CERT1: variants seen among roughly 807,000 people sequenced by gnomAD.
CERT1 encodes ceramide transporter 1.
CERT1 carries 31 observed loss-of-function variants against 87.9 expected under a neutral mutation model. The ratio of observed to expected loss-of-function variants is 0.35; its 90% CI spans 0.27 to 0.48. The LOEUF (loss-of-function observed/expected upper bound fraction) is 0.48, where lower values mean the gene tolerates loss of function less well. CERT1 is among the 20% of genes least tolerant of loss of function. The pLI, the probability that CERT1 is intolerant of heterozygous loss-of-function variation, is 0.99. For missense variants in CERT1, 487 were observed against 758.0 expected (o/e 0.64, Z 4.20); for synonymous variants, 289 against 250.9 (o/e 1.15, Z -1.44).
chr5:75,381,229 T>C lies in CERT1; in HGVS notation c.1618-28A>G, dbSNP rs780377096. The C allele has an allele frequency of 2.3e-5, 37 of 1,612,994 alleles. No individual in the cohort carries two copies. The East Asian group carries it at 6.0e-4, about 26-fold the overall frequency. ...GCCAAAACAAAAAACAAAGCATCAG[T>C]AGATACCCAGTATTTTGTAAACTCT... is the stretch of plus-strand genomic sequence containing the variant. On this transcript the variant is annotated intron_variant, in intron 15 of 16. Coordinates refer to ENST00000643780, the MANE Select transcript of CERT1 (RefSeq NM_001379029.1).
chr5:75,427,140 T>A (rs1419830700), intron 3 of CERT1, among the ~76,000 whole-genome samples: 1 of 152,194 alleles, frequency 6.6e-6, no homozygotes, highest in Non-Finnish European at 1.5e-5. Flanking sequence ...AGATAACTGA[T>A]GGGGATGATA....
intron 14 of CERT1, 30 bp from the exon 15 acceptor site, chr5:75,382,107 C>T: frequency 6.2e-7 from 1 of 1,601,862 alleles, no homozygotes; most frequent in Non-Finnish European, 8.5e-7. Flanking sequence ...TTTTGAAAAA[C>T]AGATCTAACA....
At chr5:75,510,810 G>A (rs1407839170) in intron 1 of CERT1, among the ~76,000 whole-genome samples, 1 of 152,094 alleles carries the variant, frequency 6.6e-6, no homozygotes, top group African/African-American at 2.4e-5. Flanking sequence ...AGCCCAACCC[G>A]GATTCCTTAC....
intron 8 of CERT1, among the ~76,000 whole-genome samples, chr5:75,406,346 C>A (rs1368492650): frequency 6.6e-6 from 1 of 152,236 alleles, no homozygotes; most frequent in Non-Finnish European, 1.5e-5. Context: ...CTAAGAGGTT[C>A]TTTCCCTCCG....
chr5:75,479,115 CTG>C (rs1173979032), intron 2 of CERT1, among the ~76,000 whole-genome samples: 1 of 151,396 alleles, frequency 6.6e-6, no homozygotes, highest in Non-Finnish European at 1.5e-5. Flanking sequence ...AAAAAAAAGA[CTG>C]TGTTTTGTTG....
At chr5:75,388,052 T>C (rs1361194746) in intron 12 of CERT1, among the ~76,000 whole-genome samples, 1 of 152,162 alleles carries the variant, frequency 6.6e-6, no homozygotes, top group Non-Finnish European at 1.5e-5. Context: ...CAGGTCTGGC[T>C]CAACCCTTTC....
Position 75,511,203 on chromosome 5 carries a change from G to A in CERT1, c.5C>T (p.Ser2Leu). The A allele has an allele frequency of 1.2e-6, 2 of 1,613,098 alleles. No homozygotes were observed. Among genetic ancestry groups the A allele is most frequent in the Non-Finnish European group, 1.7e-6 (2 of 1,179,894 alleles). Residue 2 changes from serine (S) to leucine (L), a missense_variant, in exon 1 of 17, where the codon TCG becomes TTG. Physicochemically the swap from Ser to Leu is moderately radical, Grantham distance 145. Transcript: ENST00000643780. Reference protein sequence around the residue: MSDNQSWNSSGS... With the variant: MLDNQSWNSSGS... ...CGACGAGTTCCAGCTCTGATTATCC[G>A]ACATGGAGGCTCGACAACCGAGCAG...
chr5:75,399,744 AT>A (rs1762392291), intron 10 of CERT1, among the ~76,000 whole-genome samples: 1 of 152,180 alleles, frequency 6.6e-6, no homozygotes, highest in African/African-American at 2.4e-5. Flanking sequence ...TCAGAACAAA[AT>A]TTCTAACTGT....
intron 3 of CERT1, among the ~76,000 whole-genome samples, chr5:75,447,215 T>C (rs1764580957): frequency 6.6e-6 from 1 of 152,094 alleles, no homozygotes; most frequent in Admixed American, 6.5e-5. Context: ...TTGCAAGCCT[T>C]TAGCAGACTC....
intron 2 of CERT1, among the ~76,000 whole-genome samples, chr5:75,478,891 G>C (rs1266862509): frequency 1.0e-4 from 10 of 96,220 alleles, no homozygotes; most frequent in Admixed American, 1.5e-4. Context: ...GGAAAATCTT[G>C]AGCTTGAAAG....
intron 3 of CERT1, among the ~76,000 whole-genome samples, chr5:75,445,536 GC>G (rs1455824777): frequency 4.6e-5 from 7 of 151,964 alleles, no homozygotes; most frequent in African/African-American, 1.7e-4. Context: ...ATTTTGCCAG[GC>G]TAAACTTAAA....
At chr5:75,397,564 C>T (rs1762304484) in intron 11 of CERT1, among the ~76,000 whole-genome samples, 1 of 152,112 alleles carries the variant, frequency 6.6e-6, no homozygotes, top group Admixed American at 6.6e-5. Flanking sequence ...TCTTTCTTTG[C>T]TGTCATTATA....
At chr5:75,503,906 GTTTAATTTAAAATT>G (rs1185913778) in intron 2 of CERT1, among the ~76,000 whole-genome samples, 1 of 150,792 alleles carries the variant, frequency 6.6e-6, no homozygotes, top group African/African-American at 2.4e-5. Flanking sequence ...TAAATTAAAT[GTTTAATTTAAAATT>G]TTCTTTTCTC....
intron 2 of CERT1, among the ~76,000 whole-genome samples, chr5:75,482,825 T>TATA (rs1766315897): frequency 6.6e-6 from 1 of 152,172 alleles, no homozygotes; most frequent in Admixed American, 6.5e-5. Flanking sequence ...AGGCTTGGGG[T>TATA]GCCACCTAAT....
intron 4 of CERT1, 104 bp from the exon 5 acceptor site, chr5:75,425,603 G>GCCCTCAGTTATA: frequency 1.9e-6 from 2 of 1,037,848 alleles, no homozygotes; most frequent in Non-Finnish European, 2.8e-6. Context: ...CCTTATAACT[G>GCCCTCAGTTATA]AGGGCATGGG....
At chr5:75,448,388 C>T (rs1764641218) in intron 3 of CERT1, among the ~76,000 whole-genome samples, 1 of 152,140 alleles carries the variant, frequency 6.6e-6, no homozygotes, top group East Asian at 1.9e-4. Flanking sequence ...AATATTTTAA[C>T]CTGCGGGATA....
chr5:75,502,289 C>T (rs1455130507), intron 2 of CERT1, among the ~76,000 whole-genome samples: 6 of 152,044 alleles, frequency 3.9e-5, no homozygotes, highest in Non-Finnish European at 8.8e-5. Flanking sequence ...TAACATTTGC[C>T]AAACCCAACT....
chr5:75,443,753 T>C (rs1233034758), intron 3 of CERT1, among the ~76,000 whole-genome samples: 2 of 152,232 alleles, frequency 1.3e-5, no homozygotes, highest in African/African-American at 4.8e-5. Flanking sequence ...AAAAAGGGCA[T>C]TGAATTATTA....
At chr5:75,417,721 A>C (rs1027998120) in intron 6 of CERT1, among the ~76,000 whole-genome samples, 1 of 152,264 alleles carries the variant, frequency 6.6e-6, no homozygotes, top group African/African-American at 2.4e-5. Context: ...GTGAAACTTA[A>C]ATCAAAATGT....
Sources: gnomAD v4.1 joint callset for allele counts (sites outside exome capture counted in the v4.1 genomes callset) on GRCh38, gnomAD v4.1.1 for gene constraint, MANE v1.5 for transcripts, NCBI Gene and HGNC (gene_info 2026-07-23, HGNC 2026-07-21) for gene names.